The following STRN variants were observed in gnomAD, a reference collection of about 807,000 sequenced individuals.
STRN encodes striatin.
In STRN, 53 loss-of-function variants were observed where a neutral mutation model predicts 96.3. The ratio of observed to expected loss-of-function variants is 0.55; its 90% CI spans 0.44 to 0.69. STRN has a LOEUF of 0.69. Among genes scored for constraint, STRN ranks in the 30% least tolerant of loss-of-function variants. STRN has a pLI of 0.00. For synonymous variants in STRN, 428 were observed against 355.9 expected (o/e 1.20, Z -2.28); for missense variants, 987 against 963.9 (o/e 1.02, Z -0.32).
intron 15 of STRN, 107 bp downstream of exon 15, chr2:36,855,105 A>G (rs1668311130): frequency 6.7e-6 from 8 of 1,190,262 alleles, no homozygotes; most frequent in Non-Finnish European, 8.2e-6. Flanking sequence ...AAGTTAAGAG[A>G]CAGAAAGCTT....
intron 1 of STRN, among the ~76,000 whole-genome samples, chr2:36,931,234 T>C (rs947804134): frequency 6.6e-6 from 1 of 152,134 alleles, no homozygotes; most frequent in Admixed American, 6.5e-5. Context: ...CTCTTCCAAA[T>C]TCCTTAGTTA....
At chr2:36,935,129 CAGTT>C (rs372552381) in intron 1 of STRN, among the ~76,000 whole-genome samples, 82 of 152,244 alleles carry the variant, frequency 5.4e-4, no homozygotes, top group African/African-American at 1.6e-3. Flanking sequence ...AATAAGTAGA[CAGTT>C]AGTCTTCAGA....
chr2:36,962,161 G>T (rs763528003), intron 1 of STRN, among the ~76,000 whole-genome samples: 3 of 152,112 alleles, frequency 2.0e-5, no homozygotes, highest in Non-Finnish European at 2.9e-5. Flanking sequence ...GGTCTGGCAT[G>T]AAGTAGATGC....
chr2:36,953,407 T>C (rs1254426272), intron 1 of STRN, among the ~76,000 whole-genome samples: 2 of 151,492 alleles, frequency 1.3e-5, no homozygotes, highest in Non-Finnish European at 2.9e-5. Context: ...AGGTCCTTTT[T>C]TTTTTTTTTT....
chr2:36,849,305 G>A lies in STRN; in HGVS notation c.*151C>T. The A allele has an allele frequency of 1.1e-6, 1 of 901,156 alleles. No homozygotes were observed. Among genetic ancestry groups the A allele is most frequent in the Non-Finnish European group, 1.6e-6 (1 of 610,598 alleles). The allele number at this position is 901,156 out of a possible 1,614,324, so 55.8% of individuals were successfully genotyped here. ...ACCTTAGTTTTAGAAAACAGTATAT[G>A]AATTGCAAAACTATACTTCAACAAA... is the stretch of plus-strand genomic sequence containing the variant. On this transcript the variant is annotated 3_prime_UTR_variant, in exon 18 of 18. Transcript: ENST00000263918.
At chr2:36,894,115 G>GA in intron 6 of STRN, 82 bp from the exon 7 acceptor site, 1 of 1,484,110 alleles carries the variant, frequency 6.7e-7, no homozygotes, top group Admixed American at 2.1e-5. Context: ...ATTTTCTTCA[G>GA]AAAGTATACG....
chr2:36,862,264 G>T (rs920688509), intron 12 of STRN, among the ~76,000 whole-genome samples: 2 of 152,076 alleles, frequency 1.3e-5, no homozygotes, highest in African/African-American at 4.8e-5. Context: ...ATATTCCTTT[G>T]GGTATATACC....
chr2:36,913,005 T>C (rs1420120546), intron 3 of STRN, among the ~76,000 whole-genome samples: 3 of 152,192 alleles, frequency 2.0e-5, no homozygotes, highest in African/African-American at 4.8e-5. Context: ...AATTTATGTA[T>C]ATATAAAAAG....
At chr2:36,863,587 T>C (rs1668548317) in intron 12 of STRN, among the ~76,000 whole-genome samples, 1 of 152,244 alleles carries the variant, frequency 6.6e-6, no homozygotes, top group Non-Finnish European at 1.5e-5. Context: ...TGTAGTATAG[T>C]TTGAAGTCAG....
At chr2:36,926,680 T>A (rs2148233077) in intron 1 of STRN, among the ~76,000 whole-genome samples, 1 of 152,308 alleles carries the variant, frequency 6.6e-6, no homozygotes, top group African/African-American at 2.4e-5. Context: ...AGGCTTTTGT[T>A]TTCATTTCAA....
At position 36,894,039 on chromosome 2, in the gene STRN, G is replaced by A. The variant is rs759420837; in HGVS notation, c.796-6C>T. ...AATGCTTTTTTCCTAACAATCTAAT[G>A]AAAAAACATGCTAAATTAAATAAAG... is the stretch of plus-strand genomic sequence containing the variant. On this transcript the variant is annotated splice_polypyrimidine_tract_variant and splice_region_variant and intron_variant, in intron 6 of 17. Coordinates refer to ENST00000263918, the MANE Select transcript of STRN (RefSeq NM_003162.4). The A allele has an allele frequency of 3.1e-6, 5 of 1,603,594 alleles. No individual in the cohort carries two copies. Among genetic ancestry groups the A allele is most frequent in the East Asian group, 2.2e-5 (1 of 44,710 alleles).
intron 1 of STRN, among the ~76,000 whole-genome samples, chr2:36,932,241 A>G (rs13424317): frequency 0.091 from 13,650 of 150,446 alleles, 872 homozygotes; most frequent in African/African-American, 0.18. Context: ...TGCAACCTCC[A>G]CCTCCCGGGT....
intron 1 of STRN, among the ~76,000 whole-genome samples, chr2:36,926,253 G>A (rs1670406553): frequency 6.6e-6 from 1 of 152,162 alleles, no homozygotes; most frequent in Admixed American, 6.5e-5. Flanking sequence ...ATTGACAATT[G>A]AAATACTATC....
At chr2:36,856,200 C>T (rs1668339633) in intron 14 of STRN, among the ~76,000 whole-genome samples, 1 of 152,192 alleles carries the variant, frequency 6.6e-6, no homozygotes, top group Non-Finnish European at 1.5e-5. Flanking sequence ...AACTGGAATG[C>T]TCATACACTG....
At chr2:36,936,212 C>T (rs1163602824) in intron 1 of STRN, among the ~76,000 whole-genome samples, 1 of 152,134 alleles carries the variant, frequency 6.6e-6, no homozygotes, top group East Asian at 1.9e-4. Context: ...TGTAAGCAAT[C>T]AGTTGTCTGA....
Position 36,945,807 on chromosome 2 carries a change from C to T in STRN, c.234+20423G>A, listed in dbSNP as rs956678065. On this transcript the variant is annotated intron_variant, in intron 1 of 17. Transcript: ENST00000263918. ...AGAAAAAACAACATATTATCTTAGA[C>T]GCAAAAAATCAATTCACGAAATTCA... 7.2e-5 allele frequency among the ~76,000 whole-genome samples: 11 copies of T among 152,218 alleles called. No homozygotes were observed. In the East Asian group the frequency reaches 1.2e-3, roughly 16 times the overall value.
intron 10 of STRN, among the ~76,000 whole-genome samples, chr2:36,873,327 C>A (rs1438707738): frequency 6.6e-6 from 1 of 152,108 alleles, no homozygotes; most frequent in Non-Finnish European, 1.5e-5. Flanking sequence ...GGATGTAAGA[C>A]AATATAACTG....
At chr2:36,850,867 G>C (rs374100796) in intron 16 of STRN, 133 bp downstream of exon 16, 2 of 586,428 alleles carry the variant, frequency 3.4e-6, no homozygotes, top group East Asian at 6.0e-5. Context: ...GAGAAACTGA[G>C]ACGGGAGAGT....
Position 36,839,179 on chromosome 2 carries a change from A to T in STRN, c.*10277T>A, listed in dbSNP as rs1667888291. ...TTTATGCATTGTTTTTTGCATTTAA[A>T]TTCATTTCTGTCACTTTCTTAACCT... On this transcript the variant is annotated 3_prime_UTR_variant, in exon 18 of 18. Transcript: ENST00000263918. Among the ~76,000 whole-genome samples, 1 of 152,124 alleles carries T rather than the reference A, an allele frequency of 6.6e-6. No homozygotes were observed. Among genetic ancestry groups the T allele is most frequent in the Admixed American group, 6.6e-5 (1 of 15,256 alleles).
Sources: allele counts gnomAD v4.1 joint callset (sites outside exome capture counted in the v4.1 genomes callset), GRCh38; gene constraint gnomAD v4.1.1; transcripts MANE v1.5; gene names NCBI Gene and HGNC (gene_info 2026-07-23, HGNC 2026-07-21).